The following ADAMTS16 variants were observed in gnomAD, a reference collection of about 807,000 sequenced individuals.
ADAMTS16 encodes A disintegrin and metalloproteinase with thrombospondin motifs 16.
ADAMTS16 carries 94 observed loss-of-function variants against 145.8 expected under a neutral mutation model. That is an observed-to-expected ratio of 0.64 (90% CI 0.55 to 0.77). The LOEUF is 0.77. Ranked by LOEUF, ADAMTS16 falls within the 30% of genes least tolerant of loss-of-function variation. ADAMTS16 has a pLI of 0.00. For missense variants in ADAMTS16, 1,585 were observed against 1,591.5 expected, an observed-to-expected ratio of 1.00 and a Z score of 0.07; for synonymous variants, 659 against 604.3, an observed-to-expected ratio of 1.09 and a Z score of -1.33.
chr5:5,272,080 G>T (rs1468627120), intron 18 of ADAMTS16, among the ~76,000 whole-genome samples: 5 of 152,220 alleles, frequency 3.3e-5, no homozygotes, highest in African/African-American at 4.8e-5. Flanking sequence ...TTCGATCTGA[G>T]GCCGTGAAAA....
chr5:5,177,575 A>G (rs1157035904), intron 3 of ADAMTS16, among the ~76,000 whole-genome samples: 1 of 152,210 alleles, frequency 6.6e-6, no homozygotes, highest in East Asian at 1.9e-4. Context: ...TAATCACACA[A>G]CAAGAATTAC....
chr5:5,205,139 A>G (rs1320856993), intron 9 of ADAMTS16, among the ~76,000 whole-genome samples: 4 of 152,088 alleles, frequency 2.6e-5, no homozygotes, highest in South Asian at 2.1e-4. Context: ...CATTCTGAGT[A>G]TAAACATTTT....
chr5:5,160,976 C>A (rs1010713698), intron 3 of ADAMTS16, among the ~76,000 whole-genome samples: 2 of 152,164 alleles, frequency 1.3e-5, no homozygotes, highest in Admixed American at 1.3e-4. Context: ...GCTAATCTCA[C>A]AGATTGCAAT....
At chr5:5,302,613 T>A (rs1739831956) in intron 18 of ADAMTS16, among the ~76,000 whole-genome samples, 1 of 152,032 alleles carries the variant, frequency 6.6e-6, no homozygotes, top group Non-Finnish European at 1.5e-5. Flanking sequence ...AAAATAAAAT[T>A]TAAGGTAAAG....
In ADAMTS16 at chr5:5,146,515, G is replaced by A. The variant is rs1734302081; in HGVS notation, c.501+60G>A. ...GGTTGGTGATGGTGGAAAGGAGAGC[G>A]TAACCAGGACTTTCCCTCGATTTCG... On this transcript the variant is annotated intron_variant, in intron 3 of 22. Coordinates refer to ENST00000274181, the MANE Select transcript of ADAMTS16 (RefSeq NM_139056.4). 6.7e-6 allele frequency: 10 copies of A among 1,489,120 alleles called. No homozygotes were observed. In the South Asian group the frequency reaches 8.8e-5, roughly 13 times the overall value. The allele number at this position is 1,489,120 out of a possible 1,614,324, so 92.2% of individuals were successfully genotyped here. A position where few individuals can be genotyped will look rare whatever the true frequency, so the allele number is the denominator to read the frequency against.
At chr5:5,260,860 G>C (rs1737988310) in intron 17 of ADAMTS16, among the ~76,000 whole-genome samples, 1 of 152,194 alleles carries the variant, frequency 6.6e-6, no homozygotes, top group African/African-American at 2.4e-5. Context: ...CTGTGGAACT[G>C]GCATGAGGGA....
At chr5:5,225,820 T>C (rs576575119) in intron 11 of ADAMTS16, among the ~76,000 whole-genome samples, 21 of 152,180 alleles carry the variant, frequency 1.4e-4, no homozygotes, top group African/African-American at 5.1e-4. Flanking sequence ...AGTGGAGAGA[T>C]GAATTTTAGT....
At chr5:5,160,163 A>G (rs1472761486) in intron 3 of ADAMTS16, among the ~76,000 whole-genome samples, 2 of 152,232 alleles carry the variant, frequency 1.3e-5, no homozygotes, top group East Asian at 3.8e-4. Context: ...TGTGCAGAAT[A>G]GGCAGACCAT....
rs1349932582 is a variant in ADAMTS16 at position 5,190,724 on chromosome 5, C to T, written c.1207+594C>T. On this transcript the variant is annotated intron_variant, in intron 7 of 22. Coordinates refer to ENST00000274181, the MANE Select transcript of ADAMTS16 (RefSeq NM_139056.4). ...GAGGAAGGGTTTTTGTTTATAAAAA[C>T]TTTCAGATAAAGCCCAATTTAATAG... is the stretch of plus-strand genomic sequence containing the variant. Among the ~76,000 whole-genome samples the T allele has an allele frequency of 2.0e-5, 3 of 152,102 alleles. No homozygotes were observed. The East Asian group carries it at 5.8e-4, about 29-fold the overall frequency.
At chr5:5,181,384 A>G (rs1467446880) in intron 3 of ADAMTS16, among the ~76,000 whole-genome samples, 2 of 152,096 alleles carry the variant, frequency 1.3e-5, no homozygotes, top group Non-Finnish European at 2.9e-5. Context: ...AAAGCAATCG[A>G]TTTTGTCTCT....
At chr5:5,315,432 G>T (rs972608674) in intron 21 of ADAMTS16, among the ~76,000 whole-genome samples, 7 of 140,978 alleles carry the variant, frequency 5.0e-5, no homozygotes, top group Admixed American at 4.4e-4. Flanking sequence ...TAATTATTTT[G>T]GAACTGTTTA....
At chr5:5,252,212 T>A (rs1462496490) in intron 17 of ADAMTS16, among the ~76,000 whole-genome samples, 1 of 152,110 alleles carries the variant, frequency 6.6e-6, no homozygotes, top group African/African-American at 2.4e-5. Flanking sequence ...TTCCATTGTG[T>A]TTTCACCAGG....
chr5:5,208,886 A>G (rs1017168491), intron 9 of ADAMTS16, among the ~76,000 whole-genome samples: 1 of 152,218 alleles, frequency 6.6e-6, no homozygotes, highest in African/African-American at 2.4e-5. Flanking sequence ...GGTACAATGT[A>G]TAATAAACAA....
intron 7 of ADAMTS16, among the ~76,000 whole-genome samples, chr5:5,191,004 A>G (rs12517136): frequency 0.13 from 19,117 of 151,984 alleles, 1,334 homozygotes; most frequent in Middle Eastern, 0.21. Context: ...CCCAGAGAAA[A>G]CCCTGGACAC....
At chr5:5,173,716 G>T (rs1243335375) in intron 3 of ADAMTS16, among the ~76,000 whole-genome samples, 1 of 152,012 alleles carries the variant, frequency 6.6e-6, no homozygotes, top group Non-Finnish European at 1.5e-5. Context: ...CTCATGATCT[G>T]CCTGCCTCGG....
rs1283306703 is a variant in ADAMTS16, at chr5:5,319,983, G to A, written c.*845G>A. ...GGTTACATCAAAACCCTACCATCCT[G>A]AGAAGAGTTATGGTTCTATTATAGC... is the stretch of plus-strand genomic sequence containing the variant. On this transcript the variant is annotated 3_prime_UTR_variant, in exon 23 of 23. Coordinates refer to ENST00000274181, the MANE Select transcript of ADAMTS16 (RefSeq NM_139056.4). The A allele has an allele frequency of 2.2e-6, 1 of 452,218 alleles. No individual in the cohort carries two copies. Among genetic ancestry groups the A allele is most frequent in the Non-Finnish European group, 4.4e-6 (1 of 226,376 alleles). 28.0% of individuals were successfully genotyped at this position (452,218 alleles called of 1,614,324 possible).
rs1737128440 is a variant in ADAMTS16 at position 5,237,015 on chromosome 5, CTTCTT to C, written c.2077_2081del (p.Ser693ValfsTer3). 1.2e-6 allele frequency: 2 copies of C among 1,613,944 alleles called. No individual in the cohort carries two copies. The highest frequency in any genetic ancestry group is 1.7e-6 in the Non-Finnish European group (2 of 1,179,958). ...ACTGTATCGCAGAAGGATTTGATTT[CTTCTT>C]TTCTTTGTCAAATAAAGTCAAAGAT... On this transcript the variant is annotated frameshift_variant, in exon 14 of 23. Transcript: ENST00000274181. LOFTEE classifies it high-confidence loss of function.
At chr5:5,172,369 T>G (rs1183662431) in intron 3 of ADAMTS16, among the ~76,000 whole-genome samples, 1 of 152,084 alleles carries the variant, frequency 6.6e-6, no homozygotes, top group Non-Finnish European at 1.5e-5. Flanking sequence ...ACTTTATTGA[T>G]GTAGGCAGTT....
chr5:5,245,950 G>T (rs1194421980), intron 17 of ADAMTS16, among the ~76,000 whole-genome samples: 1 of 152,138 alleles, frequency 6.6e-6, no homozygotes, highest in East Asian at 1.9e-4. Context: ...AGCATCTGGG[G>T]CATTGGTAAT....
Sources: gnomAD v4.1 joint callset for allele counts (sites outside exome capture counted in the v4.1 genomes callset) on GRCh38, gnomAD v4.1.1 for gene constraint, MANE v1.5 for transcripts, NCBI Gene and HGNC (gene_info 2026-07-23, HGNC 2026-07-21) for gene names.